CDK8: variants seen among roughly 807,000 people sequenced by gnomAD.
The protein encoded by CDK8 is cyclin dependent kinase 8.
CDK8 carries 29 observed loss-of-function variants against 71.5 expected under a neutral mutation model. The observed-to-expected ratio is 0.41, with a 90% CI of 0.30 to 0.55. The LOEUF (loss-of-function observed/expected upper bound fraction) is 0.55. Among genes scored for constraint, CDK8 ranks in the 20% least tolerant of loss-of-function variants. The pLI is 0.37. For synonymous variants in CDK8, 161 were observed against 192.1 expected, an observed-to-expected ratio of 0.84 and a Z score of 1.34; for missense variants, 288 against 572.6, an observed-to-expected ratio of 0.50 and a Z score of 5.07.
chr13:26,380,704 C>G (rs577141910), intron 4 of CDK8, among the ~76,000 whole-genome samples: 10 of 152,174 alleles, frequency 6.6e-5, no homozygotes, highest in Non-Finnish European at 1.2e-4. Flanking sequence ...TGGCCTTGAG[C>G]TCCTGGACTC....
At chr13:26,374,062 G>T (rs1046488970) in intron 4 of CDK8, among the ~76,000 whole-genome samples, 1 of 150,702 alleles carries the variant, frequency 6.6e-6, no homozygotes, top group Admixed American at 6.6e-5. Context: ...TTAGCTGGGC[G>T]TGGTGGTGGG....
At chr13:26,340,388 T>C (rs1271125428) in intron 2 of CDK8, among the ~76,000 whole-genome samples, 1 of 152,152 alleles carries the variant, frequency 6.6e-6, no homozygotes, top group Non-Finnish European at 1.5e-5. Flanking sequence ...ATAGGTGAAA[T>C]GATACAATAA....
intron 1 of CDK8, among the ~76,000 whole-genome samples, chr13:26,335,159 T>A (rs1209856708): frequency 6.6e-6 from 1 of 152,198 alleles, no homozygotes; most frequent in African/African-American, 2.4e-5. Flanking sequence ...ATTTTTCGCC[T>A]TCAAAGAATT....
chr13:26,312,642 A>G (rs1198331919), intron 1 of CDK8, among the ~76,000 whole-genome samples: 1 of 152,152 alleles, frequency 6.6e-6, no homozygotes. Flanking sequence ...TAAGAACTGT[A>G]ACACTCACCT....
intron 6 of CDK8, 97 bp from the exon 7 acceptor site, chr13:26,393,270 C>A (rs2138062656): frequency 1.4e-6 from 1 of 708,284 alleles, no homozygotes; most frequent in Non-Finnish European, 2.2e-6. Flanking sequence ...AATAAAATTG[C>A]ATTTTCTTTT....
At chr13:26,269,650 C>T (rs1009654768) in intron 1 of CDK8, among the ~76,000 whole-genome samples, 2 of 152,000 alleles carry the variant, frequency 1.3e-5, no homozygotes, top group Non-Finnish European at 2.9e-5. Flanking sequence ...GAGTACATGT[C>T]ACTTTAAAAC....
At chr13:26,295,136 A>G (rs1395200859) in intron 1 of CDK8, among the ~76,000 whole-genome samples, 1 of 152,200 alleles carries the variant, frequency 6.6e-6, no homozygotes, top group Admixed American at 6.5e-5. Context: ...TTTCTTAAAT[A>G]TGGTGACTCT....
chr13:26,359,238 G>A (rs891467723), intron 4 of CDK8, among the ~76,000 whole-genome samples: 2 of 152,120 alleles, frequency 1.3e-5, no homozygotes, highest in South Asian at 4.1e-4. Context: ...GTTACGGGAC[G>A]TTACTGTTTA....
intron 4 of CDK8, among the ~76,000 whole-genome samples, chr13:26,358,140 T>C (rs1195417640): frequency 1.3e-5 from 2 of 151,438 alleles, no homozygotes; most frequent in African/African-American, 4.9e-5. Context: ...CTAAAAAAAA[T>C]ACAAAAAAAT....
At chr13:26,384,002 A>G (rs1438401236) in intron 5 of CDK8, among the ~76,000 whole-genome samples, 1 of 152,216 alleles carries the variant, frequency 6.6e-6, no homozygotes, top group Non-Finnish European at 1.5e-5. Context: ...CAAAGCATGC[A>G]AAATAGAAAA....
intron 1 of CDK8, among the ~76,000 whole-genome samples, chr13:26,273,354 A>G (rs1245132508): frequency 1.3e-5 from 2 of 152,068 alleles, no homozygotes; most frequent in Non-Finnish European, 2.9e-5. Flanking sequence ...ACTTTTTTGT[A>G]GTTCATGAAG....
At chr13:26,397,649 T>C (rs1489135967) in intron 9 of CDK8, among the ~76,000 whole-genome samples, 1 of 152,298 alleles carries the variant, frequency 6.6e-6, no homozygotes, top group South Asian at 2.1e-4. Flanking sequence ...ATACCTCTTA[T>C]AACCTTAAAT....
intron 1 of CDK8, among the ~76,000 whole-genome samples, chr13:26,305,122 G>GAACA: frequency 6.6e-6 from 1 of 152,226 alleles, no homozygotes; most frequent in East Asian, 1.9e-4. Flanking sequence ...TCTGACTGAA[G>GAACA]AACACCCTTT....
chr13:26,384,785 C>G (rs1875396662), intron 5 of CDK8, among the ~76,000 whole-genome samples: 1 of 152,176 alleles, frequency 6.6e-6, no homozygotes, highest in Non-Finnish European at 1.5e-5. Context: ...GCATAGTCAG[C>G]TTCTGATTAA....
intron 1 of CDK8, among the ~76,000 whole-genome samples, chr13:26,314,346 A>G (rs1874418480): frequency 6.6e-6 from 1 of 152,230 alleles, no homozygotes; most frequent in African/African-American, 2.4e-5. Flanking sequence ...TGTTAACATC[A>G]TCAATCTAAA....
Position 26,382,809 on chromosome 13 carries a change from C to A in CDK8, c.457-5C>A. On this transcript the variant is annotated splice_polypyrimidine_tract_variant and splice_region_variant and intron_variant, in intron 4 of 12. Transcript: ENST00000381527. ...CTGAAAAAAAACACTATTTTGTTTC[C>A]ACAGAAACCTGCTAATATTTTAGTT... 1 of 1,585,532 alleles carries A rather than the reference C, an allele frequency of 6.3e-7. No individual in the cohort carries two copies. Among genetic ancestry groups the A allele is most frequent in the Non-Finnish European group, 8.6e-7 (1 of 1,166,076 alleles).
At chr13:26,392,126 AG>A (rs1875772985) in intron 6 of CDK8, among the ~76,000 whole-genome samples, 1 of 152,176 alleles carries the variant, frequency 6.6e-6, no homozygotes, top group Non-Finnish European at 1.5e-5. Context: ...GGATTTGTTA[AG>A]AGTAGAAATG....
rs774336035 is a variant in CDK8 at position 26,401,231 on chromosome 13, A to C, written c.1032-38A>C. 1.1e-5 allele frequency: 16 copies of C among 1,428,274 alleles called. No homozygotes were observed. The Middle Eastern group carries it at 1.2e-3, about 104-fold the overall frequency. The allele number at this position is 1,428,274 out of a possible 1,614,324, so 88.5% of individuals were successfully genotyped here. ...AAATGAAGCATTTGGAATATTGATTAGTATACCAGAAATGGTTTTTCTTTT... is the reference window on the plus strand; with the variant it reads ...AAATGAAGCATTTGGAATATTGATTCGTATACCAGAAATGGTTTTTCTTTT... On this transcript the variant is annotated intron_variant, in intron 10 of 12. Transcript: ENST00000381527. The surrounding 1 kb of genome is among the most constrained non-coding windows in gnomAD (Gnocchi z 4.5).
chr13:26,270,858 T>C (rs1872284577), intron 1 of CDK8, among the ~76,000 whole-genome samples: 1 of 152,212 alleles, frequency 6.6e-6, no homozygotes, highest in African/African-American at 2.4e-5. Context: ...AAGAGTGGAA[T>C]TACCGGCTCA....
Sources: gnomAD v4.1 joint callset for allele counts (sites outside exome capture counted in the v4.1 genomes callset) on GRCh38, gnomAD v4.1.1 for gene constraint, Gnocchi (gnomAD v3.1) non-coding constraint, MANE v1.5 for transcripts, NCBI Gene and HGNC (gene_info 2026-07-23, HGNC 2026-07-21) for gene names.